The following NUDT3 variants were observed in gnomAD, a reference collection of about 807,000 sequenced individuals.
The protein encoded by NUDT3 is diphosphoinositol polyphosphate phosphohydrolase 1.
A neutral mutation model predicts 23.6 loss-of-function variants in NUDT3; 9 were observed. The observed-to-expected ratio is 0.38, with a 90% CI of 0.23 to 0.66. The LOEUF is 0.66. NUDT3 is among the 30% of genes least tolerant of loss of function. The pLI is 0.52. For missense variants in NUDT3, 172 were observed against 218.5 expected, an observed-to-expected ratio of 0.79 and a Z score of 1.34; for synonymous variants, 86 against 82.6, an observed-to-expected ratio of 1.04 and a Z score of -0.22.
At position 34,297,718 on chromosome 6, in the gene NUDT3, T is replaced by TAAAAA. The variant is rs200099331; in HGVS notation, c.211-2038_211-2034dup. Among the ~76,000 whole-genome samples the TAAAAA allele has an allele frequency of 1.7e-3, 134 of 78,724 alleles. 1 individual carries two copies. Among genetic ancestry groups the TAAAAA allele is most frequent in the African/African-American group, 3.1e-3 (65 of 20,872 alleles). The allele number at this position is 78,724 out of a possible 152,430, so 51.6% of individuals were successfully genotyped here. A position where few individuals can be genotyped will look rare whatever the true frequency, so the allele number is the denominator to read the frequency against. ...TGCACATCACTACACCCGGCTAATG[T>TAAAAA]AAAAAAAAAAAAATATATATATATA... On this transcript the variant is annotated intron_variant, in intron 2 of 4. Transcript: ENST00000607016.
chr6:34,348,865 C>CT (rs1161020429), intron 1 of NUDT3, among the ~76,000 whole-genome samples: 384 of 143,102 alleles, frequency 2.7e-3, no homozygotes, highest in African/African-American at 6.0e-3. Context: ...GAAGGTTTCT[C>CT]TTTTTTTTTT....
intron 1 of NUDT3, among the ~76,000 whole-genome samples, chr6:34,387,076 C>T (rs1343730557): frequency 6.6e-6 from 1 of 152,132 alleles, no homozygotes; most frequent in African/African-American, 2.4e-5. Context: ...CACCATTATA[C>T]TCCAGCCTGG....
intron 1 of NUDT3, among the ~76,000 whole-genome samples, chr6:34,387,978 CATA>C (rs1765135915): frequency 6.6e-6 from 1 of 152,132 alleles, no homozygotes; most frequent in African/African-American, 2.4e-5. Context: ...AACTTCCAGT[CATA>C]ATAAGTGTCC....
intron 2 of NUDT3, among the ~76,000 whole-genome samples, chr6:34,334,998 G>GAGGA (rs769296993): frequency 6.6e-6 from 1 of 151,382 alleles, no homozygotes; most frequent in African/African-American, 2.4e-5. Flanking sequence ...AAGAGAGAGA[G>GAGGA]AGGAAGGAAG....
intron 1 of NUDT3, among the ~76,000 whole-genome samples, chr6:34,384,284 C>T (rs1765069532): frequency 6.6e-6 from 1 of 152,218 alleles, no homozygotes; most frequent in African/African-American, 2.4e-5. Context: ...TATAGGGCTT[C>T]TAGTGGAAAA....
At chr6:34,345,054 T>C (rs1764343676) in intron 1 of NUDT3, among the ~76,000 whole-genome samples, 1 of 151,696 alleles carries the variant, frequency 6.6e-6, no homozygotes, top group South Asian at 2.1e-4. Context: ...TTTTGTTTTG[T>C]TTTGTTTCTT....
chr6:34,324,590 A>G (rs1763994980), intron 2 of NUDT3, among the ~76,000 whole-genome samples: 1 of 152,206 alleles, frequency 6.6e-6, no homozygotes, highest in Non-Finnish European at 1.5e-5. Context: ...TTTAGGGTTA[A>G]AACTTTACAA....
At chr6:34,352,257 C>A (rs1267779078) in intron 1 of NUDT3, among the ~76,000 whole-genome samples, 1 of 152,068 alleles carries the variant, frequency 6.6e-6, no homozygotes, top group Non-Finnish European at 1.5e-5. Context: ...CTCAACTTCC[C>A]GGGCTCAAGC....
Position 34,327,204 on chromosome 6 carries a change from AT to A in NUDT3, c.210+14657del, listed in dbSNP as rs562647023. On this transcript the variant is annotated intron_variant, in intron 2 of 4. Transcript: ENST00000607016. ...AGCCGAAACAGAGAGGGAAGGCAGCATACGTCAGCGTTTTCTTCTACGCACT... is the reference window on the plus strand; with the variant it reads ...AGCCGAAACAGAGAGGGAAGGCAGCAACGTCAGCGTTTTCTTCTACGCACT... 8.7e-4 allele frequency among the ~76,000 whole-genome samples: 133 copies of A among 152,252 alleles called. No individual in the cohort carries two copies. The East Asian group carries it at 0.011, about 12-fold the overall frequency.
chr6:34,389,650 C>T (rs942305577), intron 1 of NUDT3, among the ~76,000 whole-genome samples: 1 of 151,632 alleles, frequency 6.6e-6, no homozygotes, highest in Non-Finnish European at 1.5e-5. Flanking sequence ...ACAGTAAGAC[C>T]CTGTCTCAAA....
chr6:34,298,817 T>G (rs1459948161), intron 2 of NUDT3, among the ~76,000 whole-genome samples: 1 of 152,218 alleles, frequency 6.6e-6, no homozygotes, highest in Non-Finnish European at 1.5e-5. Context: ...AGAATTCTAT[T>G]TAATGTGATC....
intron 1 of NUDT3, among the ~76,000 whole-genome samples, chr6:34,365,728 C>T (rs775071172): frequency 6.6e-6 from 1 of 152,150 alleles, no homozygotes; most frequent in Non-Finnish European, 1.5e-5. Context: ...GTCTGGGTCA[C>T]ACAGCAAGAA....
intron 1 of NUDT3, among the ~76,000 whole-genome samples, chr6:34,356,279 C>T (rs1327727289): frequency 6.6e-6 from 1 of 152,118 alleles, no homozygotes; most frequent in East Asian, 1.9e-4. Context: ...AAGAAATTTG[C>T]CCATTTCATT....
Position 34,334,953 on chromosome 6 carries a change from AAGAG to A in NUDT3, c.210+6905_210+6908del, listed in dbSNP as rs1263808594. On this transcript the variant is annotated intron_variant, in intron 2 of 4. Transcript: ENST00000607016. The stretch of plus-strand genomic sequence containing the variant: ...AAAAAAAAGGAAAAGGAAAAGAGGA[AAGAG>A]AGAGAAAGAGGGAGAGAAAGAAAGA... 5.9e-5 allele frequency among the ~76,000 whole-genome samples: 9 copies of A among 151,892 alleles called. No individual in the cohort carries two copies. The East Asian group carries it at 1.5e-3, about 26-fold the overall frequency.
intron 1 of NUDT3, among the ~76,000 whole-genome samples, chr6:34,366,473 A>AAGGGAGGGAGAGAGGGAGGG (rs1764734016): frequency 3.4e-5 from 1 of 29,782 alleles, no homozygotes; most frequent in Non-Finnish European, 6.0e-5. Flanking sequence ...AGAGAGAGGG[A>AAGGGAGGGAGAGAGGGAGGG]AGGGAGGGAG....
chr6:34,384,984 G>A (rs1301864074), intron 1 of NUDT3, among the ~76,000 whole-genome samples: 4 of 147,736 alleles, frequency 2.7e-5, no homozygotes, highest in Non-Finnish European at 4.4e-5. Flanking sequence ...ACCTGAGATC[G>A]CATTACTGCA....
intron 1 of NUDT3, among the ~76,000 whole-genome samples, chr6:34,375,471 A>T (rs996841141): frequency 6.6e-6 from 1 of 152,238 alleles, no homozygotes; most frequent in Non-Finnish European, 1.5e-5. Flanking sequence ...ATTGTTTGTG[A>T]GGATAAATAC....
chr6:34,385,162 T>C (rs529151885), intron 1 of NUDT3, among the ~76,000 whole-genome samples: 4 of 151,462 alleles, frequency 2.6e-5, no homozygotes, highest in Non-Finnish European at 5.9e-5. Context: ...CAAATGAAAA[T>C]ATTAAATAAT....
intron 2 of NUDT3, among the ~76,000 whole-genome samples, chr6:34,334,023 G>A (rs560822226): frequency 3.3e-5 from 5 of 152,234 alleles, no homozygotes; most frequent in Admixed American, 6.5e-5. Flanking sequence ...GTGGAAGAGG[G>A]GGGCTGAGCC....
Sources: allele counts gnomAD v4.1 joint callset (sites outside exome capture counted in the v4.1 genomes callset), GRCh38; gene constraint gnomAD v4.1.1; transcripts MANE v1.5; gene names NCBI Gene and HGNC (gene_info 2026-07-23, HGNC 2026-07-21).